The following RBFOX1 variants were observed in gnomAD, a reference collection of about 807,000 sequenced individuals.
The protein encoded by RBFOX1 is RNA binding protein fox-1 homolog 1.
In RBFOX1, 8 loss-of-function variants were observed where a neutral mutation model predicts 57.7. The ratio of observed to expected loss-of-function variants is 0.14; its 90% CI spans 0.08 to 0.25. The LOEUF is 0.25. Ranked by LOEUF, RBFOX1 falls within the 10% of genes least tolerant of loss-of-function variation. RBFOX1 has a pLI of 1.00. For synonymous variants in RBFOX1, 326 were observed against 222.4 expected (o/e 1.47, Z -4.15); for missense variants, 611 against 548.5 (o/e 1.11, Z -1.14).
At chr16:6,040,977 G>T (rs1448498317) in intron 1 of RBFOX1, among the ~76,000 whole-genome samples, 2 of 152,116 alleles carry the variant, frequency 1.3e-5, no homozygotes, top group Admixed American at 1.3e-4. Context: ...CCCTTGTTGG[G>T]TTGCTTCCGT....
At chr16:6,041,048 A>G (rs2095430944) in intron 1 of RBFOX1, among the ~76,000 whole-genome samples, 2 of 152,142 alleles carry the variant, frequency 1.3e-5, no homozygotes, top group Non-Finnish European at 2.9e-5. Flanking sequence ...CCCATCCACC[A>G]TTACAATATC....
intron 3 of RBFOX1, among the ~76,000 whole-genome samples, chr16:5,605,208 G>A (rs900990183): frequency 1.3e-5 from 2 of 152,154 alleles, no homozygotes; most frequent in Non-Finnish European, 2.9e-5. Flanking sequence ...GGGGCAGATT[G>A]GACTGGATTT....
chr16:6,703,440 C>T (rs572896179), intron 3 of RBFOX1, among the ~76,000 whole-genome samples: 11 of 151,826 alleles, frequency 7.2e-5, no homozygotes, highest in East Asian at 2.0e-4. Context: ...AGCCAGGTAT[C>T]GTGGTACATG....
chr16:6,032,918 T>C (rs2095311134), intron 1 of RBFOX1, among the ~76,000 whole-genome samples: 1 of 151,276 alleles, frequency 6.6e-6, no homozygotes, highest in Non-Finnish European at 1.5e-5. Context: ...CCAGCCATTG[T>C]TCAGGTGCCA....
chr16:6,495,270 C>T (rs1005117458), intron 2 of RBFOX1, among the ~76,000 whole-genome samples: 1 of 152,146 alleles, frequency 6.6e-6, no homozygotes, highest in Non-Finnish European at 1.5e-5. Context: ...AGGTGCCCGC[C>T]ACCATGCCTG....
intron 14 of RBFOX1, among the ~76,000 whole-genome samples, chr16:7,680,295 CCT>C (rs2074403704): frequency 6.6e-6 from 1 of 152,094 alleles, no homozygotes; most frequent in South Asian, 2.1e-4. Flanking sequence ...GAAAAGATTC[CCT>C]GTTTGATCAA....
intron 4 of RBFOX1, among the ~76,000 whole-genome samples, chr16:7,090,136 A>G (rs778416993): frequency 1.3e-5 from 2 of 152,214 alleles, no homozygotes; most frequent in Non-Finnish European, 2.9e-5. Context: ...ATCTTGCTTT[A>G]GGAAAATGAG....
intron 1 of RBFOX1, among the ~76,000 whole-genome samples, chr16:6,164,649 G>A (rs1382222618): frequency 6.7e-6 from 1 of 150,092 alleles, no homozygotes; most frequent in Admixed American, 6.7e-5. Context: ...GTTTTGTTTT[G>A]TTTTTTTTTA....
At chr16:6,983,041 G>A (rs542256742) in intron 3 of RBFOX1, among the ~76,000 whole-genome samples, 7 of 147,436 alleles carry the variant, frequency 4.7e-5, no homozygotes, top group African/African-American at 1.0e-4. Flanking sequence ...ACTGAGGCTC[G>A]AGCATTTTGG....
chr16:5,826,295 G>T (rs1240609209), intron 3 of RBFOX1, among the ~76,000 whole-genome samples: 1 of 152,016 alleles, frequency 6.6e-6, no homozygotes, highest in Non-Finnish European at 1.5e-5. Context: ...TGCCCCTCAA[G>T]TGTGAATTGT....
chr16:6,795,218 C>T (rs929264378), intron 3 of RBFOX1, among the ~76,000 whole-genome samples: 1 of 152,084 alleles, frequency 6.6e-6, no homozygotes, highest in African/African-American at 2.4e-5. Flanking sequence ...CTAGGTTACC[C>T]ACTTGTGTCC....
chr16:7,173,668 T>C (rs2222893), intron 4 of RBFOX1, among the ~76,000 whole-genome samples: 36,690 of 152,166 alleles, frequency 0.24, 4,830 homozygotes, highest in Non-Finnish European at 0.31. Flanking sequence ...AGACTGAGAA[T>C]GGCTCCAGAA....
intron 13 of RBFOX1, 71 bp from the exon 14 acceptor site, chr16:7,676,702 TG>T: frequency 7.8e-7 from 1 of 1,290,296 alleles, no homozygotes; most frequent in Non-Finnish European, 1.1e-6. Context: ...TGCTCTGGTG[TG>T]GTCTTGCCAC....
At chr16:5,964,613 A>G (rs1260291498) in intron 4 of RBFOX1, among the ~76,000 whole-genome samples, 2 of 152,110 alleles carry the variant, frequency 1.3e-5, no homozygotes, top group African/African-American at 4.8e-5. Context: ...GTATATATAT[A>G]TCTCACATAT....
At chr16:7,163,923 G>T (rs928067422) in intron 4 of RBFOX1, among the ~76,000 whole-genome samples, 1 of 152,162 alleles carries the variant, frequency 6.6e-6, no homozygotes, top group Non-Finnish European at 1.5e-5. Flanking sequence ...GCCTCCCAAA[G>T]TACTGGGATT....
chr16:6,398,082 C>A (rs1397241031), intron 2 of RBFOX1, among the ~76,000 whole-genome samples: 1 of 152,116 alleles, frequency 6.6e-6, no homozygotes, highest in Non-Finnish European at 1.5e-5. Flanking sequence ...TAAGCAAACA[C>A]GTCCTTCTTC....
At chr16:7,421,687 A>T (rs1434958947) in intron 4 of RBFOX1, among the ~76,000 whole-genome samples, 1 of 152,256 alleles carries the variant, frequency 6.6e-6, no homozygotes, top group African/African-American at 2.4e-5. Context: ...ACTGGCCTGG[A>T]GATGGCCTTT....
At chr16:5,833,565 A>G (rs1052057645) in intron 3 of RBFOX1, among the ~76,000 whole-genome samples, 1 of 151,728 alleles carries the variant, frequency 6.6e-6, no homozygotes, top group Non-Finnish European at 1.5e-5. Flanking sequence ...CCATTTTTGT[A>G]CCTTTCAATT....
chr16:6,294,587 A>G (rs9922838), intron 1 of RBFOX1, among the ~76,000 whole-genome samples: 25,991 of 152,114 alleles, frequency 0.17, 2,399 homozygotes, highest in Middle Eastern at 0.23. Context: ...ATCCGTCAGC[A>G]ATTCCTGAGT....
Sources: allele counts gnomAD v4.1 joint callset (sites outside exome capture counted in the v4.1 genomes callset), GRCh38; gene constraint gnomAD v4.1.1; transcripts MANE v1.5; gene names NCBI Gene and HGNC (gene_info 2026-07-23, HGNC 2026-07-21).